The following ARL14EPL variants were observed in gnomAD, a reference collection of about 807,000 sequenced individuals.
The protein encoded by ARL14EPL is ARF like GTPase 14 effector protein like, also known as ARL14 effector protein-like.
In ARL14EPL, 17 loss-of-function variants were observed where a neutral mutation model predicts 15.9. The ratio of observed to expected loss-of-function variants is 1.07; its 90% CI spans 0.73 to 1.60. ARL14EPL has a LOEUF of 1.60. ARL14EPL is among the 40% of genes most tolerant of loss of function. ARL14EPL has a pLI of 0.00. For missense variants in ARL14EPL, 214 were observed against 185.9 expected (o/e 1.15, Z -0.88); for synonymous variants, 78 against 63.8 (o/e 1.22, Z -1.06).
chr5:116,056,177 T>A (rs924334997), intron 3 of ARL14EPL, among the ~76,000 whole-genome samples: 1 of 152,030 alleles, frequency 6.6e-6, no homozygotes, highest in Non-Finnish European at 1.5e-5. Flanking sequence ...ATGGGATGGC[T>A]GGGTCAAATG....
chr5:116,052,546 A>C (rs1259486449), intron 2 of ARL14EPL, among the ~76,000 whole-genome samples: 2 of 152,226 alleles, frequency 1.3e-5, no homozygotes, highest in Non-Finnish European at 2.9e-5. Context: ...CCAAGGCTTG[A>C]GCACAGGCAG....
At chr5:116,035,120 G>T (rs1218060456) in intron 1 of ARL14EPL, among the ~76,000 whole-genome samples, 3 of 152,122 alleles carry the variant, frequency 2.0e-5, no homozygotes, top group South Asian at 2.1e-4. Flanking sequence ...GATATATCCC[G>T]CAGAGCAGCT....
intron 1 of ARL14EPL, among the ~76,000 whole-genome samples, chr5:116,045,122 C>T (rs1052014202): frequency 1.3e-5 from 2 of 152,088 alleles, no homozygotes; most frequent in African/African-American, 4.8e-5. Flanking sequence ...GAAAAACAAG[C>T]CACATCATGT....
intron 1 of ARL14EPL, among the ~76,000 whole-genome samples, chr5:116,049,263 T>A (rs1017596666): frequency 3.3e-5 from 5 of 152,226 alleles, no homozygotes; most frequent in African/African-American, 1.2e-4. Context: ...TTATTAATTA[T>A]GCAGAATACC....
At chr5:116,032,786 G>A (rs1748982267) in intron 1 of ARL14EPL, among the ~76,000 whole-genome samples, 1 of 152,022 alleles carries the variant, frequency 6.6e-6, no homozygotes, top group African/African-American at 2.4e-5. Flanking sequence ...TGAGTTTTTT[G>A]TTGTGGTGGT....
chr5:116,053,508 G>T (rs957312451), intron 2 of ARL14EPL, among the ~76,000 whole-genome samples: 9 of 152,148 alleles, frequency 5.9e-5, no homozygotes, highest in Non-Finnish European at 1.0e-4. Flanking sequence ...CTGAATTGGA[G>T]ACCCCCCGCG....
At chr5:116,033,560 G>A (rs1221797835) in intron 1 of ARL14EPL, among the ~76,000 whole-genome samples, 1 of 152,014 alleles carries the variant, frequency 6.6e-6, no homozygotes, top group Non-Finnish European at 1.5e-5. Flanking sequence ...CTAACTAGAT[G>A]AATAAAATTA....
At chr5:116,054,420 G>C (rs995310542) in intron 3 of ARL14EPL, among the ~76,000 whole-genome samples, 1 of 152,158 alleles carries the variant, frequency 6.6e-6, no homozygotes, top group South Asian at 2.1e-4. Context: ...TGATTTAAAA[G>C]TAACAAAAAT....
chr5:116,059,201 C>A lies in ARL14EPL; in HGVS notation c.*254C>A. 1 of 440,282 alleles carries A rather than the reference C, an allele frequency of 2.3e-6. No homozygotes were observed. Among genetic ancestry groups the A allele is most frequent in the Admixed American group, 3.8e-5 (1 of 26,480 alleles). The allele number at this position is 440,282 out of a possible 1,614,324, so 27.3% of individuals were successfully genotyped here. ...GGGATCAGCATTTCTCATCAGCACC[C>A]TCATCTCTACTCTGCCTTCAAATTA... On this transcript the variant is annotated 3_prime_UTR_variant, in exon 4 of 4. Transcript: ENST00000686077.
chr5:116,051,272 A>G (rs368834360), intron 1 of ARL14EPL, 185 bp from the exon 2 acceptor site: 1 of 504,116 alleles, frequency 2.0e-6, no homozygotes, highest in African/African-American at 2.0e-5. Context: ...GAGCCTCAGT[A>G]GGGTGGTCTG....
At chr5:116,038,400 C>T (rs1031933539) in intron 1 of ARL14EPL, among the ~76,000 whole-genome samples, 9 of 152,104 alleles carry the variant, frequency 5.9e-5, no homozygotes, top group Non-Finnish European at 4.4e-5. Context: ...TAGACATACA[C>T]TGGGGAAAGC....
At chr5:116,055,689 G>A (rs1328710535) in intron 3 of ARL14EPL, among the ~76,000 whole-genome samples, 11 of 151,716 alleles carry the variant, frequency 7.3e-5, no homozygotes, top group Non-Finnish European at 1.5e-4. Flanking sequence ...GGGTACATGT[G>A]CACAATGTGC....
At chr5:116,048,825 A>G (rs1281279690) in intron 1 of ARL14EPL, among the ~76,000 whole-genome samples, 1 of 152,160 alleles carries the variant, frequency 6.6e-6, no homozygotes, top group African/African-American at 2.4e-5. Flanking sequence ...ATTGGCAGAG[A>G]GGAGTCATTG....
chr5:116,048,787 C>T (rs910431697), intron 1 of ARL14EPL, among the ~76,000 whole-genome samples: 1 of 151,996 alleles, frequency 6.6e-6, no homozygotes, highest in African/African-American at 2.4e-5. Flanking sequence ...GATGAACCTT[C>T]ACTGATATAC....
At chr5:116,041,702 A>G (rs568258705) in intron 1 of ARL14EPL, among the ~76,000 whole-genome samples, 39 of 152,216 alleles carry the variant, frequency 2.6e-4, no homozygotes, top group African/African-American at 9.4e-4. Flanking sequence ...GACTTCTCCT[A>G]CCTTCAACTC....
chr5:116,052,751 T>C (rs890715151), intron 2 of ARL14EPL, among the ~76,000 whole-genome samples: 11 of 152,242 alleles, frequency 7.2e-5, no homozygotes. Flanking sequence ...AGACTCTTAT[T>C]AAACTAAATA....
intron 1 of ARL14EPL, among the ~76,000 whole-genome samples, chr5:116,044,256 A>G (rs1749221840): frequency 6.6e-6 from 1 of 152,168 alleles, no homozygotes; most frequent in Admixed American, 6.6e-5. Flanking sequence ...CCTATAATTC[A>G]CGAGTGAACA....
chr5:116,045,952 T>G (rs1749259794), intron 1 of ARL14EPL, among the ~76,000 whole-genome samples: 1 of 152,152 alleles, frequency 6.6e-6, no homozygotes, highest in Non-Finnish European at 1.5e-5. Context: ...TAGAGGTTAT[T>G]GTCTTGTGGT....
chr5:116,054,072 C>G lies in ARL14EPL; in HGVS notation c.155C>G (p.Ala52Gly). 1.3e-6 allele frequency: 2 copies of G among 1,535,724 alleles called. No individual in the cohort carries two copies. The highest frequency in any genetic ancestry group is 1.7e-6 in the Non-Finnish European group (2 of 1,146,698). ...LAFRNPGPQVADFNPETRQQK... is the reference protein window; with the variant it reads ...LAFRNPGPQVGDFNPETRQQK... ...TTTCGAAACCCTGGACCACAGGTAG[C>G]AGACTTTAATCCTGAAACAAGGCAG... The change falls in exon 3 of 4, where the codon GCA becomes GGA. Residue 52 changes from alanine to glycine, a missense_variant. Physicochemically the swap from Ala to Gly is moderately conservative, Grantham distance 60 (BLOSUM62 0). Transcript: ENST00000686077.
Sources: gnomAD v4.1 joint callset for allele counts (sites outside exome capture counted in the v4.1 genomes callset) on GRCh38, gnomAD v4.1.1 for gene constraint, MANE v1.5 for transcripts, NCBI Gene and HGNC (gene_info 2026-07-23, HGNC 2026-07-21) for gene names.